The following VIPR2 variants were observed in gnomAD, a reference collection of about 807,000 sequenced individuals.
VIPR2 encodes the protein vasoactive intestinal peptide receptor 2.
In VIPR2, 48 loss-of-function variants were observed where a neutral mutation model predicts 58.0. The ratio of observed to expected loss-of-function variants is 0.83; its 90% confidence interval spans 0.66 to 1.05. The LOEUF (loss-of-function observed/expected upper bound fraction) is 1.05. VIPR2 is among the 50% of genes least tolerant of loss of function. The probability of loss-of-function intolerance (pLI) is 0.00; values close to 1 mark genes in which losing one functional copy is unlikely to be tolerated. For missense variants in VIPR2, 534 were observed against 558.0 expected, an observed-to-expected ratio of 0.96 and a Z score of 0.43; for synonymous variants, 243 against 235.2, an observed-to-expected ratio of 1.03 and a Z score of -0.30.
intron 2 of VIPR2, chr7:159,117,451 G>A (rs746439953): frequency 3.9e-5 from 28 of 716,344 alleles, no homozygotes; most frequent in Middle Eastern, 2.3e-4. Flanking sequence ...ACATAGTGCC[G>A]CACCACACAA....
chr7:159,123,711 T>C (rs1796554372), intron 2 of VIPR2, among the ~76,000 whole-genome samples: 1 of 152,222 alleles, frequency 6.6e-6, no homozygotes, highest in South Asian at 2.1e-4. Flanking sequence ...TCTGTTTTTA[T>C]GTCTTTGAGG....
chr7:159,097,321 C>A lies in VIPR2; in HGVS notation c.357+6436G>T. 1 of 1,241,540 alleles carries A rather than the reference C, an allele frequency of 8.1e-7. No individual in the cohort carries two copies. Among genetic ancestry groups the A allele is most frequent in the Non-Finnish European group, 1.0e-6 (1 of 966,932 alleles). The allele number at this position is 1,241,540 out of a possible 1,614,324, so 76.9% of individuals were successfully genotyped here. A position where few individuals can be genotyped will look rare whatever the true frequency, so the allele number is the denominator to read the frequency against. On this transcript the variant is annotated intron_variant, in intron 4 of 12. Coordinates refer to ENST00000262178, the MANE Select transcript of VIPR2 (RefSeq NM_003382.5). The surrounding 1 kb of genome is among the most constrained non-coding windows in gnomAD (Gnocchi z 5.3). ...GTGTGCACTTGAAGCATGGGGAGGC[C>A]GAAATGCCAAACAGTTCTCTTGGCT...
intron 5 of VIPR2, among the ~76,000 whole-genome samples, chr7:159,057,734 T>C (rs1399676087): frequency 6.6e-6 from 1 of 152,182 alleles, no homozygotes; most frequent in African/African-American, 2.4e-5. Flanking sequence ...GCTCTTCCTA[T>C]AGAGAAACTG....
At chr7:159,112,487 C>CA (rs2129496385) in intron 2 of VIPR2, among the ~76,000 whole-genome samples, 1 of 152,320 alleles carries the variant, frequency 6.6e-6, no homozygotes, top group Admixed American at 6.5e-5. Flanking sequence ...AAAGGACAGC[C>CA]AAAAATTTGA....
chr7:159,064,916 A>G (rs985836452), intron 4 of VIPR2, among the ~76,000 whole-genome samples: 7 of 152,150 alleles, frequency 4.6e-5, no homozygotes, highest in Non-Finnish European at 1.0e-4. Flanking sequence ...TCAGCTTTGC[A>G]GGGGCCTGAT....
chr7:159,063,390 C>G (rs1855837544), intron 4 of VIPR2, among the ~76,000 whole-genome samples: 1 of 152,068 alleles, frequency 6.6e-6, no homozygotes, highest in Non-Finnish European at 1.5e-5. Context: ...GGGTGCTAAG[C>G]CCCTCACTGC....
intron 2 of VIPR2, among the ~76,000 whole-genome samples, chr7:159,111,848 A>G (rs147821443): frequency 2.6e-4 from 39 of 152,208 alleles, no homozygotes; most frequent in Non-Finnish European, 3.2e-4. Context: ...ATCTCTACAG[A>G]AAATATTTAA....
At chr7:159,052,067 G>A (rs1585368332) in intron 5 of VIPR2, among the ~76,000 whole-genome samples, 1 of 152,062 alleles carries the variant, frequency 6.6e-6, no homozygotes, top group Non-Finnish European at 1.5e-5. Flanking sequence ...ATTTTCAAAC[G>A]AAAATGAAAC....
chr7:159,062,067 G>A (rs903474508), intron 4 of VIPR2, among the ~76,000 whole-genome samples: 3 of 152,240 alleles, frequency 2.0e-5, no homozygotes, highest in Admixed American at 6.5e-5. Flanking sequence ...GGGGTCTTCA[G>A]GCGGCGGTGT....
rs966672431 is a variant in VIPR2, at chr7:159,096,250, G to A, written c.357+7507C>T. ...CGGAGAGTTTCAACCCCTGCCTGGG[G>A]CCACACACTCCTTCATGCAGAGCCT... is the stretch of plus-strand genomic sequence containing the variant. On this transcript the variant is annotated intron_variant, in intron 4 of 12. Transcript: ENST00000262178. This position sits in a 1 kb window ranked among gnomAD's most constrained non-coding sequence, Gnocchi z 5.5. Among the ~76,000 whole-genome samples the A allele has an allele frequency of 6.6e-6, 1 of 152,208 alleles. No homozygotes were observed. The highest frequency in any genetic ancestry group is 2.4e-5 in the African/African-American group (1 of 41,452).
intron 4 of VIPR2, among the ~76,000 whole-genome samples, chr7:159,092,793 G>A (rs1479244741): frequency 1.3e-5 from 2 of 151,780 alleles, no homozygotes; most frequent in Non-Finnish European, 2.9e-5. Flanking sequence ...GGAGGTGGTC[G>A]GTGTTTGCAA....
Position 159,128,963 on chromosome 7 carries a change from G to C in VIPR2, c.151+13483C>G, listed in dbSNP as rs374732193. 1.5e-3 allele frequency among the ~76,000 whole-genome samples: 229 copies of C among 152,308 alleles called. No individual in the cohort carries two copies. Among genetic ancestry groups the C allele is most frequent in the African/African-American group, 5.3e-3 (222 of 41,574 alleles). On this transcript the variant is annotated intron_variant, in intron 2 of 12. Transcript: ENST00000262178. The surrounding 1 kb of genome is among the most constrained non-coding windows in gnomAD (Gnocchi z 4.1). ...CAGGGCAAAGCCAGCCCGAGCGCCA[G>C]TGTAAATGCACCCCCTCCCTCCTGT...
At chr7:159,049,589 G>A (rs1460297741) in intron 5 of VIPR2, among the ~76,000 whole-genome samples, 1 of 152,234 alleles carries the variant, frequency 6.6e-6, no homozygotes, top group African/African-American at 2.4e-5. Flanking sequence ...GGGGAGCAAC[G>A]ACTCTGCAGG....
chr7:159,120,032 C>G (rs1796397869), intron 2 of VIPR2, among the ~76,000 whole-genome samples: 1 of 152,134 alleles, frequency 6.6e-6, no homozygotes, highest in Non-Finnish European at 1.5e-5. Context: ...TGGGGCCACC[C>G]TCAGCTCTGA....
chr7:159,077,517 C>T (rs1008963264), intron 4 of VIPR2, among the ~76,000 whole-genome samples: 6 of 150,644 alleles, frequency 4.0e-5, no homozygotes, highest in African/African-American at 1.2e-4. Context: ...CAGATTCTAG[C>T]CCTGTTCAAT....
intron 2 of VIPR2, among the ~76,000 whole-genome samples, chr7:159,118,732 T>C (rs535830814): frequency 2.3e-4 from 35 of 152,242 alleles, no homozygotes; most frequent in Admixed American, 4.6e-4. Flanking sequence ...AAACTGCACT[T>C]CTTGTACCGT....
At chr7:159,087,963 T>A (rs1857277327) in intron 4 of VIPR2, among the ~76,000 whole-genome samples, 1 of 152,284 alleles carries the variant, frequency 6.6e-6, no homozygotes, top group East Asian at 1.9e-4. Flanking sequence ...AATACCCAAG[T>A]GGGGGCACTC....
chr7:159,038,129 T>C (rs1019064321), intron 6 of VIPR2, among the ~76,000 whole-genome samples: 2 of 152,180 alleles, frequency 1.3e-5, no homozygotes, highest in Admixed American at 1.3e-4. Flanking sequence ...TGGTGGCCTT[T>C]CAATTTGGCC....
intron 3 of VIPR2, 80 bp from the exon 4 acceptor site, chr7:159,103,934 C>T (rs543230726): frequency 1.6e-4 from 203 of 1,247,092 alleles, no homozygotes; most frequent in Non-Finnish European, 2.1e-4. Context: ...GTGCTGAGCC[C>T]GTGCTCTATT....
Sources: allele counts gnomAD v4.1 joint callset (sites outside exome capture counted in the v4.1 genomes callset), GRCh38; gene constraint gnomAD v4.1.1; non-coding constraint Gnocchi (gnomAD v3.1); transcripts MANE v1.5; gene names NCBI Gene and HGNC (gene_info 2026-07-23, HGNC 2026-07-21).